Variants in SREK1 observed in about 807,000 individuals in gnomAD.
SREK1 encodes splicing regulatory glutamine/lysine-rich protein 1.
SREK1 carries 13 observed loss-of-function variants against 66.5 expected under a neutral mutation model. The observed-to-expected ratio is 0.20, with a 90% CI of 0.13 to 0.31. The LOEUF (loss-of-function observed/expected upper bound fraction) is 0.31, where lower values mean the gene tolerates loss of function less well. SREK1 is among the 10% of genes least tolerant of loss of function. SREK1 has a pLI of 1.00. For missense variants in SREK1, 607 were observed against 769.6 expected (o/e 0.79, Z 2.50); for synonymous variants, 265 against 263.5 (o/e 1.01, Z -0.05).
intron 9 of SREK1, among the ~76,000 whole-genome samples, 179 bp downstream of exon 9, chr5:66,171,126 T>C (rs993186734): frequency 2.0e-5 from 3 of 152,170 alleles, no homozygotes; most frequent in African/African-American, 7.2e-5. Flanking sequence ...GAGATGATAC[T>C]GGGCAACATT....
At chr5:66,152,242 A>G (rs1053256757) in intron 1 of SREK1, among the ~76,000 whole-genome samples, 2 of 152,058 alleles carry the variant, frequency 1.3e-5, no homozygotes, top group Non-Finnish European at 2.9e-5. Flanking sequence ...TCATTTTATT[A>G]TCACATTGTT....
chr5:66,164,777 T>C lies in SREK1; in HGVS notation c.887-6T>C. 1 of 1,613,902 alleles carries C rather than the reference T, an allele frequency of 6.2e-7. No individual in the cohort carries two copies. Among genetic ancestry groups the C allele is most frequent in the Non-Finnish European group, 8.5e-7 (1 of 1,179,862 alleles). On this transcript the variant is annotated splice_polypyrimidine_tract_variant and splice_region_variant and intron_variant, in intron 6 of 11. Coordinates refer to ENST00000334121, the MANE Select transcript of SREK1 (RefSeq NM_001077199.3). ...CTTACACTGCAAAGTGATTTTTTCC[T>C]CCCAGAGTCTGGAAAGAGCAATGAA... is the stretch of plus-strand genomic sequence containing the variant.
chr5:66,173,635 G>T (rs27655), intron 9 of SREK1, among the ~76,000 whole-genome samples: 1 of 152,018 alleles, frequency 6.6e-6, no homozygotes, highest in Admixed American at 6.6e-5. Context: ...TCTCATTATC[G>T]TCAGCTAGTA....
At position 66,181,565 on chromosome 5, in the gene SREK1, A is replaced by G. The variant is rs1746489541; in HGVS notation, c.*2697A>G. On this transcript the variant is annotated 3_prime_UTR_variant, in exon 12 of 12. Coordinates refer to ENST00000334121, the MANE Select transcript of SREK1 (RefSeq NM_001077199.3). ...GAGTACCCTCTCTTCCTTAAGTTGT[A>G]GTTGCTATTTATCATTGTAGACAAA... is the stretch of plus-strand genomic sequence containing the variant. 1.3e-5 allele frequency: 2 copies of G among 152,138 alleles called. No homozygotes were observed. The highest frequency in any genetic ancestry group is 4.8e-5 in the African/African-American group (2 of 41,434). 9.4% of individuals were successfully genotyped at this position (152,138 alleles called of 1,614,324 possible). A position where few individuals can be genotyped will look rare whatever the true frequency, so the allele number is the denominator to read the frequency against.
Position 66,182,397 on chromosome 5 carries a change from C to T in SREK1, c.*3529C>T, listed in dbSNP as rs551256187. The stretch of plus-strand genomic sequence containing the variant: ...GATGTTTATTTTCAAATTTTAAAAG[C>T]TAGTGCTCTTAAAAGAGCTAAATTA... On this transcript the variant is annotated 3_prime_UTR_variant, in exon 12 of 12. Transcript: ENST00000334121. 6.6e-6 allele frequency: 1 copy of T among 152,096 alleles called. No individual in the cohort carries two copies. The highest frequency in any genetic ancestry group is 2.1e-4 in the South Asian group (1 of 4,820). The allele number at this position is 152,096 out of a possible 1,614,324, so 9.4% of individuals were successfully genotyped here.
chr5:66,178,861 C>T lies in SREK1; in HGVS notation c.1868C>T (p.Ala623Val). 1 of 1,610,058 alleles carries T rather than the reference C, an allele frequency of 6.2e-7. No homozygotes were observed. Among genetic ancestry groups the T allele is most frequent in the Non-Finnish European group, 8.5e-7 (1 of 1,177,648 alleles). ...NEENLSTKTE[A>V]V ...GAAAACCTCTCTACCAAAACAGAAG[C>T]AGTATAGGACCGACAAGTGTACCTC... The change falls in exon 12 of 12, where the codon GCA becomes GTA. Residue 623 changes from alanine to valine, a missense_variant. By Grantham distance (64) the Ala-to-Val change is moderately conservative. Transcript: ENST00000334121.
intron 2 of SREK1, chr5:66,156,653 A>G (rs1275477163): frequency 1.4e-5 from 14 of 985,290 alleles, no homozygotes; most frequent in Non-Finnish European, 1.7e-5. Flanking sequence ...CTGGAATTTT[A>G]GGCATACAAA....
chr5:66,170,010 G>A (rs751162003), intron 7 of SREK1, 41 bp from the exon 8 acceptor site: 8 of 1,439,072 alleles, frequency 5.6e-6, no homozygotes, highest in Middle Eastern at 1.8e-4. Context: ...TTGAAAGATC[G>A]TAAATTAAGT....
chr5:66,174,099 T>C (rs1745867829), intron 9 of SREK1, among the ~76,000 whole-genome samples: 1 of 149,000 alleles, frequency 6.7e-6, no homozygotes. Flanking sequence ...TTTTTAGCTA[T>C]GTGGTCACTG....
At chr5:66,167,762 A>G (rs1205178274) in intron 7 of SREK1, 1 of 152,236 alleles carries the variant, frequency 6.6e-6, no homozygotes, top group Non-Finnish European at 1.5e-5. Context: ...TTTAAAAATA[A>G]GTTTTGCTTA....
In SREK1 at chr5:66,155,157, G is replaced by T. The variant is rs1234461929; in HGVS notation, c.295+1561G>T. On this transcript the variant is annotated intron_variant, in intron 2 of 11. Transcript: ENST00000334121. ...TTGTTATAAATGTTCAAGATGATGG[G>T]CGTGTAGATGTCCCTTTTATTGTTT... is the stretch of plus-strand genomic sequence containing the variant. Among the ~76,000 whole-genome samples the T allele has an allele frequency of 2.0e-5, 3 of 152,222 alleles. No individual in the cohort carries two copies. The East Asian group carries it at 5.8e-4, about 29-fold the overall frequency.
intron 3 of SREK1, among the ~76,000 whole-genome samples, chr5:66,161,010 T>C (rs1459299130): frequency 6.6e-6 from 1 of 152,238 alleles, no homozygotes; most frequent in Non-Finnish European, 1.5e-5. Flanking sequence ...GAAAGATCAT[T>C]CAAAGTTTTT....
chr5:66,144,715 C>T, intron 1 of SREK1, 178 bp downstream of exon 1: 3 of 1,311,340 alleles, frequency 2.3e-6, no homozygotes, highest in East Asian at 2.7e-5. Context: ...TCTCCTTAGT[C>T]GGATTTGGGG....
intron 1 of SREK1, among the ~76,000 whole-genome samples, chr5:66,148,541 T>G (rs1170862592): frequency 1.3e-5 from 2 of 152,214 alleles, no homozygotes; most frequent in Non-Finnish European, 2.9e-5. Flanking sequence ...AAACCAAAAC[T>G]TTAAGTCAAC....
chr5:66,178,969 A>G lies in SREK1; in HGVS notation c.*101A>G, dbSNP rs1368703690. 3.2e-5 allele frequency: 41 copies of G among 1,297,742 alleles called. No homozygotes were observed. Among genetic ancestry groups the G allele is most frequent in the Non-Finnish European group, 3.8e-5 (38 of 987,470 alleles). The allele number at this position is 1,297,742 out of a possible 1,614,324, so 80.4% of individuals were successfully genotyped here. On this transcript the variant is annotated 3_prime_UTR_variant, in exon 12 of 12. Transcript: ENST00000334121. ...AGGAAAGAAATCTAGTTGAGCATGAAGATAGGATCTAACAGCTTTTCCAGT... is the reference window on the plus strand; with the variant it reads ...AGGAAAGAAATCTAGTTGAGCATGAGGATAGGATCTAACAGCTTTTCCAGT...
chr5:66,164,539 AC>A lies in SREK1; in HGVS notation c.887-243del. On this transcript the variant is annotated intron_variant, in intron 6 of 11. Transcript: ENST00000334121. ...GGAATTACAGACATGTTGTAATCGT[AC>A]GTTACGGCAGCAACAAAATATTACG... 2.1e-6 allele frequency: 3 copies of A among 1,415,848 alleles called. No individual in the cohort carries two copies. The South Asian group carries it at 3.7e-5, about 17-fold the overall frequency. The allele number at this position is 1,415,848 out of a possible 1,614,324, so 87.7% of individuals were successfully genotyped here.
intron 3 of SREK1, 45 bp downstream of exon 3, chr5:66,159,379 G>A: frequency 6.8e-7 from 1 of 1,479,536 alleles, no homozygotes; most frequent in Non-Finnish European, 9.1e-7. Context: ...ATGTTCAACT[G>A]TGTGACCAGT....
At chr5:66,170,322 T>C (rs1260738510) in intron 8 of SREK1, 152 bp downstream of exon 8, 13 of 1,187,522 alleles carry the variant, frequency 1.1e-5, no homozygotes, top group South Asian at 1.7e-5. Context: ...GTTTTAGTAA[T>C]CTAGGATTAA....
chr5:66,149,542 C>G (rs775554589), intron 1 of SREK1, among the ~76,000 whole-genome samples: 85 of 152,082 alleles, frequency 5.6e-4, no homozygotes, highest in South Asian at 1.5e-3. Flanking sequence ...AATTCCTATT[C>G]CTGTGGATGT....
Sources: allele counts gnomAD v4.1 joint callset (sites outside exome capture counted in the v4.1 genomes callset), GRCh38; gene constraint gnomAD v4.1.1; transcripts MANE v1.5; gene names NCBI Gene and HGNC (gene_info 2026-07-23, HGNC 2026-07-21).